The following ALDH1A2 variants were observed in gnomAD, a reference collection of about 807,000 sequenced individuals.
The protein encoded by ALDH1A2 is retinal dehydrogenase 2.
A neutral mutation model predicts 60.3 loss-of-function variants in ALDH1A2; 27 were observed. The ratio of observed to expected loss-of-function variants is 0.45; its 90% CI spans 0.33 to 0.62. ALDH1A2 has a LOEUF of 0.62. ALDH1A2 is among the 20% of genes least tolerant of loss of function. The probability of loss-of-function intolerance (pLI) is 0.02; values close to 1 mark genes in which losing one functional copy is unlikely to be tolerated. For synonymous variants in ALDH1A2, 289 were observed against 232.4 expected, an observed-to-expected ratio of 1.24 and a Z score of -2.21; for missense variants, 581 against 643.8, an observed-to-expected ratio of 0.90 and a Z score of 1.06.
At chr15:57,996,006 T>A (rs1294400078) in intron 4 of ALDH1A2, among the ~76,000 whole-genome samples, 1 of 152,112 alleles carries the variant, frequency 6.6e-6, no homozygotes, top group East Asian at 1.9e-4. Context: ...AAAGTCTTTA[T>A]TTTTCCCTCC....
chr15:57,984,485 T>C (rs577806472), intron 7 of ALDH1A2, among the ~76,000 whole-genome samples: 1 of 152,310 alleles, frequency 6.6e-6, no homozygotes, highest in South Asian at 2.1e-4. Context: ...TCTGAGGACA[T>C]AAATACCCCA....
chr15:57,975,210 G>C (rs1375879115), intron 7 of ALDH1A2, among the ~76,000 whole-genome samples: 1 of 131,258 alleles, frequency 7.6e-6, no homozygotes, highest in African/African-American at 2.5e-5. Context: ...ATTTACCTAA[G>C]AGAAAAGGAC....
chr15:57,994,933 C>T, intron 5 of ALDH1A2, 145 bp downstream of exon 5: 1 of 793,300 alleles, frequency 1.3e-6, no homozygotes, highest in Non-Finnish European at 2.2e-6. Context: ...TGCAGGGAGG[C>T]TGTTAAAGAT....
At chr15:58,029,883 G>A (rs145876585) in intron 1 of ALDH1A2, among the ~76,000 whole-genome samples, 43 of 152,248 alleles carry the variant, frequency 2.8e-4, no homozygotes, top group African/African-American at 1.0e-3. Flanking sequence ...TTCTGAAATT[G>A]AGGCAATAAT....
chr15:58,028,662 C>T (rs573499861), intron 1 of ALDH1A2, among the ~76,000 whole-genome samples: 1 of 152,208 alleles, frequency 6.6e-6, no homozygotes, highest in Middle Eastern at 3.4e-3. Flanking sequence ...CTGATCTCAA[C>T]TGCAGAGACA....
At chr15:57,971,908 T>A (rs1894081796) in intron 7 of ALDH1A2, among the ~76,000 whole-genome samples, 1 of 152,094 alleles carries the variant, frequency 6.6e-6, no homozygotes, top group South Asian at 2.1e-4. Context: ...TTTATTTTTT[T>A]TTGCAAAGAC....
intron 3 of ALDH1A2, among the ~76,000 whole-genome samples, chr15:58,012,427 T>C (rs1895660185): frequency 6.6e-6 from 1 of 152,136 alleles, no homozygotes; most frequent in Admixed American, 6.6e-5. Context: ...AAGTAATGTG[T>C]CCCAAAAAAC....
intron 1 of ALDH1A2, among the ~76,000 whole-genome samples, chr15:58,056,891 A>G (rs1328466015): frequency 6.6e-6 from 1 of 152,130 alleles, no homozygotes; most frequent in African/African-American, 2.4e-5. Context: ...TCTGAAGTAT[A>G]GGTGAAAATG....
chr15:58,007,182 A>T (rs1895487648), intron 4 of ALDH1A2, among the ~76,000 whole-genome samples: 1 of 152,144 alleles, frequency 6.6e-6, no homozygotes, highest in Non-Finnish European at 1.5e-5. Context: ...TGATCAGCAG[A>T]CAAGAATGTT....
At chr15:57,956,636 G>A (rs1256292798) in intron 12 of ALDH1A2, among the ~76,000 whole-genome samples, 2 of 152,138 alleles carry the variant, frequency 1.3e-5, no homozygotes, top group African/African-American at 2.4e-5. Context: ...TGCCCCACTC[G>A]TTGCATGCTT....
At chr15:58,060,167 C>T (rs960885628) in intron 1 of ALDH1A2, among the ~76,000 whole-genome samples, 3 of 152,114 alleles carry the variant, frequency 2.0e-5, no homozygotes, top group Admixed American at 1.3e-4. Context: ...GTGATCCACC[C>T]GCCTCAGCCT....
rs572957861 is a variant in ALDH1A2, at chr15:58,043,568, C to T, written c.117+21966G>A. On this transcript the variant is annotated intron_variant, in intron 1 of 12. Transcript: ENST00000249750. ...CCCTCTGTGTTCTCAAATGTGACTG[C>T]CTTCTTTTCCAATTATGTCTAATAT... 5.9e-5 allele frequency among the ~76,000 whole-genome samples: 9 copies of T among 152,082 alleles called. No individual in the cohort carries two copies. In the South Asian group the frequency reaches 1.7e-3, roughly 28 times the overall value.
intron 4 of ALDH1A2, among the ~76,000 whole-genome samples, chr15:58,002,783 G>C (rs1263778411): frequency 6.6e-6 from 1 of 151,864 alleles, no homozygotes; most frequent in Non-Finnish European, 1.5e-5. Context: ...TTTGTAGACA[G>C]AATTACCTTT....
At chr15:58,016,022 G>A (rs1244102955) in intron 1 of ALDH1A2, among the ~76,000 whole-genome samples, 1 of 152,038 alleles carries the variant, frequency 6.6e-6, no homozygotes, top group African/African-American at 2.4e-5. Context: ...CACTTCTTGG[G>A]TATTATCAGG....
At chr15:57,991,676 T>C (rs558153684) in intron 7 of ALDH1A2, 2 of 152,344 alleles carry the variant, frequency 1.3e-5, no homozygotes, top group East Asian at 3.8e-4. Flanking sequence ...CTTATAGTGA[T>C]TATATGTTGC....
At chr15:58,035,024 A>G (rs1402416856) in intron 1 of ALDH1A2, among the ~76,000 whole-genome samples, 1 of 151,674 alleles carries the variant, frequency 6.6e-6, no homozygotes, top group African/African-American at 2.4e-5. Context: ...ACTTTCTGGA[A>G]GAGACTGTAG....
At chr15:58,044,228 T>A (rs35246600) in intron 1 of ALDH1A2, among the ~76,000 whole-genome samples, 44,668 of 151,776 alleles carry the variant, frequency 0.29, 7,046 homozygotes, top group Non-Finnish European at 0.36. Context: ...CCATGGTGGT[T>A]TGCTGCACCT....
chr15:58,034,606 G>C (rs1896328601), intron 1 of ALDH1A2, among the ~76,000 whole-genome samples: 1 of 151,634 alleles, frequency 6.6e-6, no homozygotes, highest in Non-Finnish European at 1.5e-5. Context: ...GTTTTATGTA[G>C]ATGTTTTTCA....
At chr15:57,996,274 T>C (rs1251387898) in intron 4 of ALDH1A2, among the ~76,000 whole-genome samples, 3 of 151,956 alleles carry the variant, frequency 2.0e-5, no homozygotes, top group Admixed American at 2.0e-4. Context: ...ATTTATTTTT[T>C]AAATAATTAC....
Sources: allele counts gnomAD v4.1 joint callset (sites outside exome capture counted in the v4.1 genomes callset), GRCh38; gene constraint gnomAD v4.1.1; transcripts MANE v1.5; gene names NCBI Gene and HGNC (gene_info 2026-07-23, HGNC 2026-07-21).